The following DCC variants were observed in gnomAD, a reference collection of about 807,000 sequenced individuals.
DCC encodes DCC netrin 1 receptor.
A neutral mutation model predicts 172.5 loss-of-function variants in DCC; 58 were observed. The observed-to-expected ratio is 0.34, with a 90% CI of 0.27 to 0.42. DCC has a LOEUF of 0.42. Among genes scored for constraint, DCC ranks in the 10% least tolerant of loss-of-function variants. The pLI, the probability that DCC is intolerant of heterozygous loss-of-function variation, is 1.00. For missense variants in DCC, 1,740 were observed against 1,791.0 expected (o/e 0.97, Z 0.51); for synonymous variants, 709 against 644.5 (o/e 1.10, Z -1.52).
intron 9 of DCC, among the ~76,000 whole-genome samples, chr18:53,204,973 G>C (rs1000089646): frequency 1.3e-5 from 2 of 152,028 alleles, no homozygotes; most frequent in Non-Finnish European, 2.9e-5. Flanking sequence ...TCCTTTACCA[G>C]TTTCTCTAAA....
At chr18:52,904,483 C>A (rs1213361697) in intron 2 of DCC, among the ~76,000 whole-genome samples, 4 of 152,198 alleles carry the variant, frequency 2.6e-5, no homozygotes, top group African/African-American at 9.6e-5. Flanking sequence ...TGACCCAGGT[C>A]ATTTTACCTT....
At chr18:52,541,899 G>GTATATATATATATAGGTA (rs1390082523) in intron 1 of DCC, among the ~76,000 whole-genome samples, 1 of 136,038 alleles carries the variant, frequency 7.4e-6, no homozygotes, top group Non-Finnish European at 1.5e-5. Context: ...ATATATATGT[G>GTATATATATATATAGGTA]TATATATATA....
rs374042019 is a variant in DCC at position 52,903,833 on chromosome 18, T to C, written c.413-2211T>C. Among the ~76,000 whole-genome samples the C allele has an allele frequency of 2.0e-5, 3 of 152,332 alleles. 1 individual carries two copies. On this transcript the variant is annotated intron_variant, in intron 2 of 28. Transcript: ENST00000442544. ...AGACACAGATCATGCTCTGTTTAAG[T>C]ACATGCCTTAAATCCATACCTGAGC... is the stretch of plus-strand genomic sequence containing the variant.
intron 1 of DCC, among the ~76,000 whole-genome samples, chr18:52,641,604 TATG>T (rs1219550670): frequency 1.7e-5 from 1 of 58,314 alleles, no homozygotes; most frequent in Non-Finnish European, 4.4e-5. Context: ...CTAACAAACA[TATG>T]AAAAAAAGGC....
In DCC at chr18:53,385,657, T is replaced by G. The variant is rs189089879; in HGVS notation, c.2360-386T>G. 5.9e-5 allele frequency among the ~76,000 whole-genome samples: 9 copies of G among 152,352 alleles called. No individual in the cohort carries two copies. In the East Asian group the frequency reaches 1.5e-3, roughly 26 times the overall value. On this transcript the variant is annotated intron_variant, in intron 15 of 28. Transcript: ENST00000442544. ...GCTGATACCTATTTTAGAATTATCC[T>G]GTTTTTAGGTTTGATGCTTCCCTTT...
intron 7 of DCC, among the ~76,000 whole-genome samples, chr18:53,140,407 A>G (rs1407553201): frequency 2.6e-5 from 4 of 152,188 alleles, no homozygotes; most frequent in African/African-American, 4.8e-5. Context: ...TGGCATTTTT[A>G]TGAGAGGAAA....
chr18:53,021,961 C>A (rs1336840092), intron 5 of DCC, among the ~76,000 whole-genome samples: 1 of 152,100 alleles, frequency 6.6e-6, no homozygotes, highest in Admixed American at 6.5e-5. Flanking sequence ...TTAAAATTTG[C>A]AAAATTGAGT....
intron 1 of DCC, among the ~76,000 whole-genome samples, chr18:52,372,040 A>C (rs1270482423): frequency 6.6e-6 from 1 of 152,242 alleles, no homozygotes; most frequent in Non-Finnish European, 1.5e-5. Context: ...ATTGTGAAGA[A>C]GGGAATGGAA....
chr18:53,004,099 A>G (rs2041608797), intron 5 of DCC, among the ~76,000 whole-genome samples: 1 of 152,140 alleles, frequency 6.6e-6, no homozygotes. Flanking sequence ...AAGTGAAATT[A>G]TTTGCCATGA....
At chr18:52,627,573 G>A (rs548450167) in intron 1 of DCC, among the ~76,000 whole-genome samples, 24 of 152,348 alleles carry the variant, frequency 1.6e-4, no homozygotes, top group Middle Eastern at 6.8e-3. Flanking sequence ...AGGTTGTTCA[G>A]TTGAGCTTCC....
intron 17 of DCC, 30 bp from the exon 18 acceptor site, chr18:53,397,278 T>C: frequency 6.2e-7 from 1 of 1,606,220 alleles, no homozygotes; most frequent in East Asian, 2.2e-5. Flanking sequence ...AGTTTATTTT[T>C]TATCTCTTTG....
chr18:52,982,235 G>A (rs1204330467), intron 5 of DCC, among the ~76,000 whole-genome samples: 2 of 152,114 alleles, frequency 1.3e-5, no homozygotes, highest in Non-Finnish European at 2.9e-5. Context: ...TCAGGGTATT[G>A]CTTATTTTTG....
At chr18:52,575,932 A>G (rs1242851838) in intron 1 of DCC, among the ~76,000 whole-genome samples, 1 of 152,166 alleles carries the variant, frequency 6.6e-6, no homozygotes, top group Admixed American at 6.5e-5. Context: ...ATACATGCCA[A>G]AACCAATAAA....
intron 1 of DCC, among the ~76,000 whole-genome samples, chr18:52,416,191 G>T (rs1987021768): frequency 6.6e-6 from 1 of 152,192 alleles, no homozygotes; most frequent in Admixed American, 6.5e-5. Flanking sequence ...TTTTGAGTGA[G>T]TTTCTTAATC....
At chr18:53,350,092 A>G (rs928215097) in intron 15 of DCC, among the ~76,000 whole-genome samples, 1 of 152,196 alleles carries the variant, frequency 6.6e-6, no homozygotes, top group Non-Finnish European at 1.5e-5. Flanking sequence ...AACAGATTAT[A>G]TATAAATATA....
chr18:52,870,280 T>A (rs1443111849), intron 2 of DCC, among the ~76,000 whole-genome samples: 1 of 152,128 alleles, frequency 6.6e-6, no homozygotes, highest in Non-Finnish European at 1.5e-5. Context: ...GGGTGGGGGC[T>A]GTGCAGTCAG....
chr18:52,683,220 T>C (rs1280793312), intron 1 of DCC, among the ~76,000 whole-genome samples: 3 of 152,110 alleles, frequency 2.0e-5, no homozygotes, highest in Admixed American at 6.6e-5. Flanking sequence ...TCTATGAAAG[T>C]AGGTAGTGGT....
intron 26 of DCC, among the ~76,000 whole-genome samples, chr18:53,492,597 T>C (rs1599213628): frequency 6.6e-6 from 1 of 152,218 alleles, no homozygotes; most frequent in African/African-American, 2.4e-5. Flanking sequence ...GTCAGGTTTG[T>C]CAAAGATCAG....
intron 7 of DCC, among the ~76,000 whole-genome samples, chr18:53,081,470 T>C (rs531200242): frequency 6.6e-6 from 1 of 152,026 alleles, no homozygotes; most frequent in Admixed American, 6.6e-5. Flanking sequence ...GAAAGCAGTC[T>C]CTATTGGGTA....
Sources: gnomAD v4.1 joint callset for allele counts (sites outside exome capture counted in the v4.1 genomes callset) on GRCh38, gnomAD v4.1.1 for gene constraint, MANE v1.5 for transcripts, NCBI Gene and HGNC (gene_info 2026-07-23, HGNC 2026-07-21) for gene names.